ZC3H3: variants seen among roughly 807,000 people sequenced by gnomAD.
ZC3H3 encodes zinc finger CCCH-type containing 3, also known as zinc finger CCCH domain-containing protein 3.
ZC3H3 carries 36 observed loss-of-function variants against 77.3 expected under a neutral mutation model. The observed-to-expected ratio is 0.47, with a 90% confidence interval of 0.36 to 0.61. The LOEUF is 0.61. ZC3H3 is among the 20% of genes least tolerant of loss of function. The probability of loss-of-function intolerance (pLI) is 0.00; values close to 1 mark genes in which losing one functional copy is unlikely to be tolerated. For synonymous variants in ZC3H3, 626 were observed against 555.2 expected, an observed-to-expected ratio of 1.13 and a Z score of -1.79; for missense variants, 1,331 against 1,312.2, an observed-to-expected ratio of 1.01 and a Z score of -0.22.
intron 9 of ZC3H3, among the ~76,000 whole-genome samples, chr8:143,448,688 G>A (rs1005537440): frequency 3.3e-5 from 5 of 152,190 alleles, no homozygotes; most frequent in African/African-American, 4.8e-5. Context: ...GCAAGCTGTC[G>A]GTGGATCTAC....
chr8:143,511,408 G>A (rs1175629844), intron 3 of ZC3H3, among the ~76,000 whole-genome samples: 7 of 152,170 alleles, frequency 4.6e-5, no homozygotes, highest in Non-Finnish European at 8.8e-5. Flanking sequence ...AACTTCAAAG[G>A]GAAATAACTA....
chr8:143,541,108 G>GC (rs1240477307), intron 1 of ZC3H3, among the ~76,000 whole-genome samples: 1 of 152,148 alleles, frequency 6.6e-6, no homozygotes, highest in Non-Finnish European at 1.5e-5. Context: ...GAGGGCCGCC[G>GC]CCCCCCGCGG....
intron 4 of ZC3H3, among the ~76,000 whole-genome samples, chr8:143,479,222 G>A (rs1820838309): frequency 6.6e-6 from 1 of 152,218 alleles, no homozygotes; most frequent in Non-Finnish European, 1.5e-5. Flanking sequence ...CTGCCTGGCT[G>A]GCTTTGGAAC....
rs924294364 is a variant in ZC3H3, at chr8:143,530,615, A to T, written c.1561+5642T>A. ...CTGCACAGGCCGGCCAGGCTTAGGG[A>T]GTCATGCCTGTCATCTCAGGGTGGC... On this transcript the variant is annotated intron_variant, in intron 3 of 11. Coordinates refer to ENST00000262577, the MANE Select transcript of ZC3H3 (RefSeq NM_015117.3). This position sits in a 1 kb window ranked among gnomAD's most constrained non-coding sequence, Gnocchi z 4.3. 1.3e-5 allele frequency among the ~76,000 whole-genome samples: 2 copies of T among 151,926 alleles called. No homozygotes were observed. The highest frequency in any genetic ancestry group is 2.9e-5 in the Non-Finnish European group (2 of 67,966).
chr8:143,535,522 C>T (rs938499780), intron 3 of ZC3H3, among the ~76,000 whole-genome samples: 3 of 152,220 alleles, frequency 2.0e-5, no homozygotes, highest in Non-Finnish European at 4.4e-5. Context: ...TGGCTCCACA[C>T]TGACCCCCAC....
intron 9 of ZC3H3, among the ~76,000 whole-genome samples, chr8:143,459,835 C>T (rs913570483): frequency 3.3e-5 from 5 of 152,134 alleles, no homozygotes; most frequent in Non-Finnish European, 7.4e-5. Context: ...AAACTCTATA[C>T]ATAAAAGCCC....
chr8:143,514,719 C>T (rs1043969112), intron 3 of ZC3H3, among the ~76,000 whole-genome samples: 1 of 152,218 alleles, frequency 6.6e-6, no homozygotes, highest in African/African-American at 2.4e-5. Context: ...GAGCTGGGCT[C>T]ACCGCCTGGA....
chr8:143,446,393 T>A (rs1271532394), intron 9 of ZC3H3, among the ~76,000 whole-genome samples: 2 of 152,194 alleles, frequency 1.3e-5, no homozygotes, highest in East Asian at 1.9e-4. Context: ...AGAGAAGACA[T>A]GTGACTAACA....
At chr8:143,534,217 G>A (rs1563886030) in intron 3 of ZC3H3, among the ~76,000 whole-genome samples, 2 of 150,700 alleles carry the variant, frequency 1.3e-5, no homozygotes, top group African/African-American at 2.4e-5. Context: ...GCTGCAATGA[G>A]CTGTGACTGC....
rs527397487 is a variant in ZC3H3, at chr8:143,536,272, G to A, written c.1546C>T (p.Leu516Phe). Reference protein sequence around the residue: ...LCRLPPSRAHLPTKEASSLHA... With the variant: ...LCRLPPSRAHFPTKEASSLHA... ...CCCAGCATACCTTCCTTGGTGGGGA[G>A]GTGGGCCCGGCTCGGTGGCAGGCGA... The change falls in exon 3 of 12, where the codon CTC becomes TTC. Residue 516 changes from leucine to phenylalanine, a missense_variant. Transcript: ENST00000262577. 5.6e-6 allele frequency: 9 copies of A among 1,611,340 alleles called. No homozygotes were observed. The African/African-American group carries it at 1.2e-4, about 21-fold the overall frequency.
At chr8:143,513,687 G>A (rs1451259833) in intron 3 of ZC3H3, among the ~76,000 whole-genome samples, 4 of 152,190 alleles carry the variant, frequency 2.6e-5, no homozygotes, top group Non-Finnish European at 4.4e-5. Context: ...CAGAGGCAGC[G>A]TCCGCAGAAC....
rs74367659 is a variant in ZC3H3, at chr8:143,462,836, G to T, written c.2307+2881C>A. On this transcript the variant is annotated intron_variant, in intron 9 of 11. Transcript: ENST00000262577. The surrounding 1 kb of genome is among the most constrained non-coding windows in gnomAD (Gnocchi z 4.7). ...GATGCTCCCCAGCCCTGTGCACTGG[G>T]GGCGCTGGCAGCAGCCAACACCCTA... 7.8e-3 allele frequency among the ~76,000 whole-genome samples: 1,194 copies of T among 152,290 alleles called. 8 individuals are homozygous for T. Among genetic ancestry groups the T allele is most frequent in the African/African-American group, 0.027 (1,139 of 41,552 alleles).
Position 143,539,209 on chromosome 8 carries a change from C to A in ZC3H3, c.158G>T (p.Arg53Leu), listed in dbSNP as rs142996724. 2.5e-6 allele frequency: 4 copies of A among 1,612,780 alleles called. No individual in the cohort carries two copies. The African/African-American group carries it at 5.3e-5, about 22-fold the overall frequency. Reference protein sequence around the residue: ...TYHSGRAFSARYPRPSRRGYS... With the variant: ...TYHSGRAFSALYPRPSRRGYS... Reference sequence around the variant, plus strand: ...GCCCCTCCGGCTTGGACGAGGGTAGCGGGCACTAAAGGCTCTGCCACTGTG... The same window carrying A: ...GCCCCTCCGGCTTGGACGAGGGTAGAGGGCACTAAAGGCTCTGCCACTGTG... Residue 53 changes from arginine to leucine, a missense_variant, in exon 2 of 12, where the codon CGC becomes CTC. Physicochemically the swap from Arg to Leu is moderately radical, Grantham distance 102. Transcript: ENST00000262577.
intron 3 of ZC3H3, among the ~76,000 whole-genome samples, chr8:143,513,481 A>G (rs1302945274): frequency 6.6e-6 from 1 of 152,210 alleles, no homozygotes; most frequent in African/African-American, 2.4e-5. Flanking sequence ...TCTCAGGCAC[A>G]AGGAGTCCCG....
intron 3 of ZC3H3, among the ~76,000 whole-genome samples, chr8:143,531,965 T>C (rs1326181229): frequency 6.6e-6 from 1 of 152,264 alleles, no homozygotes; most frequent in African/African-American, 2.4e-5. Context: ...TAATGTTGAT[T>C]GTGACGGAAT....
At position 143,474,286 on chromosome 8, in the gene ZC3H3, G is replaced by A. The variant is rs111567001; in HGVS notation, c.1903+1112C>T. ...GCACACACAGGGGTGACACAGTGCC[G>A]AGGAAGGGACCCAGGGCTTCTCACC... On this transcript the variant is annotated intron_variant, in intron 5 of 11. Coordinates refer to ENST00000262577, the MANE Select transcript of ZC3H3 (RefSeq NM_015117.3). Among the ~76,000 whole-genome samples, 1,052 of 150,534 alleles carry A rather than the reference G, an allele frequency of 7.0e-3. 11 individuals carry two copies. Among genetic ancestry groups the A allele is most frequent in the African/African-American group, 0.025 (1,008 of 41,012 alleles).
intron 4 of ZC3H3, among the ~76,000 whole-genome samples, chr8:143,497,961 G>A (rs879513141): frequency 7.2e-5 from 11 of 152,194 alleles, no homozygotes; most frequent in Non-Finnish European, 1.3e-4. Context: ...GCACGAAGAG[G>A]CCCCAAAAAG....
At chr8:143,496,800 G>A (rs1383689508) in intron 4 of ZC3H3, among the ~76,000 whole-genome samples, 1 of 152,264 alleles carries the variant, frequency 6.6e-6, no homozygotes, top group Non-Finnish European at 1.5e-5. Flanking sequence ...TGCTGCACCA[G>A]GCAGCCTGAG....
At position 143,462,595 on chromosome 8, in the gene ZC3H3, T is replaced by TCCCCAAGTG. The variant is rs1369806556; in HGVS notation, c.2307+3121_2307+3122insCACTTGGGG. Among the ~76,000 whole-genome samples, 3 of 152,166 alleles carry TCCCCAAGTG rather than the reference T, an allele frequency of 2.0e-5. No homozygotes were observed. Among genetic ancestry groups the TCCCCAAGTG allele is most frequent in the Non-Finnish European group, 4.4e-5 (3 of 68,024 alleles). On this transcript the variant is annotated intron_variant, in intron 9 of 11. Coordinates refer to ENST00000262577, the MANE Select transcript of ZC3H3 (RefSeq NM_015117.3). The surrounding 1 kb of genome is among the most constrained non-coding windows in gnomAD (Gnocchi z 4.7). ...AATCCCAGGTGACTCAGGTCTCAGC[T>TCCCCAAGTG]CGCACTTGGGGAGCTGAAACCCAAG...
Sources: allele counts gnomAD v4.1 joint callset (sites outside exome capture counted in the v4.1 genomes callset), GRCh38; gene constraint gnomAD v4.1.1; non-coding constraint Gnocchi (gnomAD v3.1); transcripts MANE v1.5; gene names NCBI Gene and HGNC (gene_info 2026-07-23, HGNC 2026-07-21).